USP9X: variants seen among roughly 807,000 people sequenced by gnomAD.
USP9X encodes ubiquitin carboxyl-terminal hydrolase 9X.
In USP9X, 7 loss-of-function variants were observed where a neutral mutation model predicts 190.3. The ratio of observed to expected loss-of-function variants is 0.04; its 90% confidence interval spans 0.02 to 0.07. The LOEUF (loss-of-function observed/expected upper bound fraction) is 0.07, where lower values mean the gene tolerates loss of function less well. USP9X is among the 10% of genes least tolerant of loss of function. USP9X has a pLI of 1.00. For missense variants in USP9X, 1,010 were observed against 1,916.9 expected (o/e 0.53, Z 8.83); for synonymous variants, 645 against 659.5 (o/e 0.98, Z 0.34).
At position 41,164,254 on chromosome X, in the gene USP9X, T is replaced by C. The variant is rs1339136128; in HGVS notation, c.1985+1377T>C. ...TTCTATTTATTGAACTCTGTGCTTA[T>C]TTATGGAGAAAATTTTAAGTAGCTA... On this transcript the variant is annotated intron_variant, in intron 15 of 44. Transcript: ENST00000378308. Among the ~76,000 whole-genome samples the C allele has an allele frequency of 9.9e-5, 11 of 111,624 alleles. No individual in the cohort carries two copies. In the South Asian group the frequency reaches 1.9e-3, roughly 19 times the overall value.
At chrX:41,225,371 A>G (rs2063303460) in intron 41 of USP9X, among the ~76,000 whole-genome samples, 1 of 111,809 alleles carries the variant, frequency 8.9e-6, no homozygotes, top group Admixed American at 9.5e-5. Flanking sequence ...GTTTCTTTAG[A>G]ATGACTTTTT....
chrX:41,176,315 G>C lies in USP9X; in HGVS notation c.3148+4357G>C, dbSNP rs777756712. Among the ~76,000 whole-genome samples the C allele has an allele frequency of 2.7e-5, 3 of 111,286 alleles. No homozygotes were observed. The East Asian group carries it at 8.4e-4, about 31-fold the overall frequency. Reference sequence around the variant, plus strand: ...CAACATAGGACTACCTTTAAAACTTGCACATAGTTTAATTAGAGCACTCAT... The same window carrying C: ...CAACATAGGACTACCTTTAAAACTTCCACATAGTTTAATTAGAGCACTCAT... On this transcript the variant is annotated intron_variant, in intron 21 of 44. Coordinates refer to ENST00000378308, the MANE Select transcript of USP9X (RefSeq NM_001039591.3).
At position 41,225,141 on chromosome X, in the gene USP9X, G is replaced by A; in HGVS notation, c.7061+4G>A. 8.3e-7 allele frequency: 1 copy of A among 1,208,098 alleles called. No homozygotes were observed. The highest frequency in any genetic ancestry group is 1.1e-6 in the Non-Finnish European group (1 of 892,657). ...AGGACTCCTGGCAAACTCACAGGTGGATACTCTTTTTGTGACTGGAAACAA... is the reference window on the plus strand; with the variant it reads ...AGGACTCCTGGCAAACTCACAGGTGAATACTCTTTTTGTGACTGGAAACAA... On this transcript the variant is annotated splice_donor_region_variant and intron_variant, in intron 41 of 44. Transcript: ENST00000378308.
chrX:41,154,138 C>T (rs1474209838), intron 14 of USP9X, among the ~76,000 whole-genome samples: 1 of 111,401 alleles, frequency 9.0e-6, no homozygotes, highest in Non-Finnish European at 1.9e-5. Context: ...TTTATCCCCT[C>T]GGGGCCAATA....
At chrX:41,131,902 TA>T (rs1289517566) in intron 4 of USP9X, among the ~76,000 whole-genome samples, 2 of 111,617 alleles carry the variant, frequency 1.8e-5, no homozygotes, top group Non-Finnish European at 3.8e-5. Flanking sequence ...ACTCCAGACA[TA>T]TCTGCCCCCT....
In USP9X at chrX:41,090,665, G is replaced by GT. The variant is rs1251082102; in HGVS notation, c.-159+4565dup. Among the ~76,000 whole-genome samples, 60 of 110,124 alleles carry GT rather than the reference G, an allele frequency of 5.4e-4. No individual in the cohort carries two copies. The South Asian group carries it at 0.011, about 21-fold the overall frequency. ...AGGTGAGTCTGATGTGTAACCAGAG[G>GT]TTTTTTTTTGCAGTCCCTTTTAGGG... On this transcript the variant is annotated intron_variant, in intron 1 of 44. Transcript: ENST00000378308.
intron 1 of USP9X, among the ~76,000 whole-genome samples, chrX:41,091,306 T>C (rs1244094460): frequency 1.8e-5 from 2 of 112,238 alleles, no homozygotes; most frequent in African/African-American, 6.5e-5. Context: ...CTTGGCATAC[T>C]GGCTTTAGGA....
chrX:41,125,735 C>G (rs1309712216), intron 2 of USP9X, among the ~76,000 whole-genome samples: 1 of 106,765 alleles, frequency 9.4e-6, no homozygotes, highest in Non-Finnish European at 1.9e-5. Context: ...CGCGCGCGCG[C>G]TCTCTCTCTC....
chrX:41,100,134 A>G (rs2062024224), intron 1 of USP9X, among the ~76,000 whole-genome samples: 1 of 111,545 alleles, frequency 9.0e-6, no homozygotes, highest in Non-Finnish European at 1.9e-5. Context: ...TGGTGCTCAT[A>G]TTGTGCTGCT....
chrX:41,204,883 G>A (rs999687339), intron 31 of USP9X, among the ~76,000 whole-genome samples: 8 of 111,687 alleles, frequency 7.2e-5, no homozygotes, highest in Non-Finnish European at 1.5e-4. Context: ...ACTGATATAG[G>A]TATATTTTAT....
At chrX:41,213,338 T>G (rs1229011198) in intron 33 of USP9X, among the ~76,000 whole-genome samples, 4 of 111,544 alleles carry the variant, frequency 3.6e-5, no homozygotes, top group Non-Finnish European at 5.7e-5. Context: ...TGAGTGCCCA[T>G]ACAACCATTC....
intron 33 of USP9X, among the ~76,000 whole-genome samples, chrX:41,212,261 CAGCATGCTCGTTAAG>C: frequency 9.3e-6 from 1 of 107,894 alleles, no homozygotes; most frequent in Admixed American, 9.7e-5. Context: ...TGCTTGAAGG[CAGCATGCTCGTTAAG>C]AGTCATCGCC....
At chrX:41,128,119 A>G (rs1050295276) in intron 2 of USP9X, among the ~76,000 whole-genome samples, 1 of 112,313 alleles carries the variant, frequency 8.9e-6, no homozygotes, top group African/African-American at 3.2e-5. Context: ...AACCATAATC[A>G]TGAACTTCTA....
intron 30 of USP9X, among the ~76,000 whole-genome samples, chrX:41,199,619 G>A (rs1290452093): frequency 2.7e-5 from 3 of 110,816 alleles, no homozygotes; most frequent in Non-Finnish European, 5.7e-5. Flanking sequence ...AGTAGAGATA[G>A]GGTTTCACCA....
chrX:41,230,624 T>TCC (rs772686164), intron 44 of USP9X, 28 bp downstream of exon 44: 17 of 1,148,788 alleles, frequency 1.5e-5, no homozygotes, highest in Non-Finnish European at 2.0e-5. Context: ...TATGCTTTTA[T>TCC]CCCCTAGAAC....
chrX:41,086,146 C>G (rs759447302), intron 1 of USP9X, 37 bp downstream of exon 1: 1 of 293,871 alleles, frequency 3.4e-6, no homozygotes, highest in Admixed American at 6.1e-5. Flanking sequence ...CGCTCTTTCC[C>G]GGGGCCAACA....
intron 13 of USP9X, among the ~76,000 whole-genome samples, chrX:41,151,551 G>GT (rs1301259307): frequency 3.6e-5 from 4 of 112,107 alleles, no homozygotes; most frequent in Non-Finnish European, 7.5e-5. Context: ...AGTTGGAACT[G>GT]ATAACATGAA....
intron 18 of USP9X, among the ~76,000 whole-genome samples, chrX:41,169,274 C>T (rs1055618581): frequency 9.0e-6 from 1 of 110,636 alleles, no homozygotes; most frequent in Non-Finnish European, 1.9e-5. Flanking sequence ...TGCGTCCAGC[C>T]AACCTTTTAC....
chrX:41,093,359 A>G (rs1445860425), intron 1 of USP9X, among the ~76,000 whole-genome samples: 1 of 112,072 alleles, frequency 8.9e-6, no homozygotes, highest in Non-Finnish European at 1.9e-5. Flanking sequence ...GTTCAGATGT[A>G]TTTTGCCTTT....
Sources: gnomAD v4.1 joint callset for allele counts (sites outside exome capture counted in the v4.1 genomes callset) on GRCh38, gnomAD v4.1.1 for gene constraint, MANE v1.5 for transcripts, NCBI Gene and HGNC (gene_info 2026-07-23, HGNC 2026-07-21) for gene names.